The following TCF4 variants were observed in gnomAD, a reference collection of about 807,000 sequenced individuals.
TCF4 encodes the protein SL3-3 enhancer factor 2.
A neutral mutation model predicts 82.1 loss-of-function variants in TCF4; 3 were observed. The observed-to-expected ratio is 0.04, with a 90% confidence interval of 0.02 to 0.09. TCF4 has a LOEUF of 0.09. TCF4 is among the 10% of genes least tolerant of loss of function. The pLI, the probability that TCF4 is intolerant of heterozygous loss-of-function variation, is 1.00. For missense variants in TCF4, 518 were observed against 852.7 expected (o/e 0.61, Z 4.89); for synonymous variants, 276 against 309.6 (o/e 0.89, Z 1.14).
intron 5 of TCF4, among the ~76,000 whole-genome samples, chr18:55,444,868 T>G (rs1189114764): frequency 6.6e-6 from 1 of 152,182 alleles, no homozygotes; most frequent in Non-Finnish European, 1.5e-5. Context: ...TCTTAACAAA[T>G]GGCACTGCCA....
chr18:55,486,987 G>A (rs1372899141), intron 3 of TCF4, among the ~76,000 whole-genome samples: 4 of 152,098 alleles, frequency 2.6e-5, no homozygotes, highest in African/African-American at 7.2e-5. Context: ...AATCTACTAT[G>A]AGCCACTGAC....
At position 55,490,619 on chromosome 18, in the gene TCF4, A is replaced by G. The variant is rs897977442; in HGVS notation, c.146-26482T>C. On this transcript the variant is annotated intron_variant, in intron 3 of 19. Transcript: ENST00000354452. ...AGTTTGATTTAGAATGGAGCAAAAA[A>G]AAAAAGAAACTGAATAATCACATAA... Among the ~76,000 whole-genome samples, 13 of 152,156 alleles carry G rather than the reference A, an allele frequency of 8.5e-5. 1 individual carries two copies. Among genetic ancestry groups the G allele is most frequent in the Admixed American group, 8.5e-4 (13 of 15,268 alleles).
At chr18:55,526,271 A>T (rs1210365436) in intron 3 of TCF4, among the ~76,000 whole-genome samples, 1 of 152,154 alleles carries the variant, frequency 6.6e-6, no homozygotes, top group Non-Finnish European at 1.5e-5. Context: ...CCCTTCACAC[A>T]TTCAGAAACA....
At position 55,473,321 on chromosome 18, in the gene TCF4, A is replaced by C. The variant is rs187786518; in HGVS notation, c.146-9184T>G. Among the ~76,000 whole-genome samples the C allele has an allele frequency of 2.9e-3, 436 of 152,286 alleles. 3 individuals are homozygous for C. The highest frequency in any genetic ancestry group is 3.8e-3 in the Non-Finnish European group (257 of 68,024). On this transcript the variant is annotated intron_variant, in intron 3 of 19. Coordinates refer to ENST00000354452, the MANE Select transcript of TCF4 (RefSeq NM_001083962.2). ...CTAACCACAATGGTCTACTTCTCCCAAACGGCATTCTTTCCTCTTGCTTTC... is the reference window on the plus strand; with the variant it reads ...CTAACCACAATGGTCTACTTCTCCCCAACGGCATTCTTTCCTCTTGCTTTC...
chr18:55,600,654 T>G (rs1300258302), intron 2 of TCF4, among the ~76,000 whole-genome samples: 1 of 152,190 alleles, frequency 6.6e-6, no homozygotes, highest in East Asian at 1.9e-4. Flanking sequence ...TAGGCCACAG[T>G]ATACAGGCTT....
chr18:55,433,138 A>C (rs1329248533), intron 5 of TCF4, among the ~76,000 whole-genome samples: 6 of 152,240 alleles, frequency 3.9e-5, no homozygotes, highest in Admixed American at 3.9e-4. Context: ...TGCCCACCAG[A>C]GAAATAAAGT....
chr18:55,247,938 T>G (rs1014541230), intron 15 of TCF4, among the ~76,000 whole-genome samples: 4 of 152,204 alleles, frequency 2.6e-5, no homozygotes, highest in African/African-American at 7.2e-5. Flanking sequence ...AAATGGACTT[T>G]GTGGGCATTT....
chr18:55,577,183 A>T (rs2924322), intron 3 of TCF4, among the ~76,000 whole-genome samples: 127,186 of 142,724 alleles, frequency 0.89, 56,715 homozygotes, highest in East Asian at 0.99. Flanking sequence ...TATATTTATA[A>T]ATGTATATAT....
intron 15 of TCF4, among the ~76,000 whole-genome samples, chr18:55,241,224 C>T (rs72925028): frequency 6.6e-6 from 1 of 152,280 alleles, no homozygotes; most frequent in Non-Finnish European, 1.5e-5. Context: ...CTAACTCATA[C>T]GTTCCATCTA....
chr18:55,614,675 T>C (rs928465332), intron 2 of TCF4, among the ~76,000 whole-genome samples: 5 of 152,190 alleles, frequency 3.3e-5, no homozygotes, highest in South Asian at 4.1e-4. Context: ...ATAATACATA[T>C]AATCTGGAAG....
Position 55,459,677 on chromosome 18 carries a change from T to C in TCF4, c.304+1342A>G, listed in dbSNP as rs2144734162. On this transcript the variant is annotated intron_variant, in intron 5 of 19. Transcript: ENST00000354452. Reference sequence around the variant, plus strand: ...CTTTTAAAATCTAAGTTGATAAATATATCTGGTCACCTGTATCTACATATC... The same window carrying C: ...CTTTTAAAATCTAAGTTGATAAATACATCTGGTCACCTGTATCTACATATC... Among the ~76,000 whole-genome samples the C allele has an allele frequency of 2.0e-5, 3 of 152,330 alleles. No individual in the cohort carries two copies. In the East Asian group the frequency reaches 5.8e-4, roughly 29 times the overall value.
chr18:55,578,012 G>A (rs770900408), intron 3 of TCF4, among the ~76,000 whole-genome samples: 10 of 152,068 alleles, frequency 6.6e-5, no homozygotes, highest in South Asian at 2.1e-4. Context: ...GGATTTTGAC[G>A]TCATCCGTTA....
chr18:55,300,646 C>T (rs1192294555), intron 8 of TCF4, among the ~76,000 whole-genome samples: 1 of 152,142 alleles, frequency 6.6e-6, no homozygotes, highest in Non-Finnish European at 1.5e-5. Flanking sequence ...TCAGGCCTGG[C>T]GTTGCCATCA....
At chr18:55,347,566 C>A (rs753979923) in intron 8 of TCF4, among the ~76,000 whole-genome samples, 1 of 152,124 alleles carries the variant, frequency 6.6e-6, no homozygotes, top group African/African-American at 2.4e-5. Flanking sequence ...GCCAGGCCTA[C>A]GTTTTCTCTC....
intron 8 of TCF4, among the ~76,000 whole-genome samples, chr18:55,297,848 T>A (rs1275400682): frequency 3.3e-5 from 5 of 152,154 alleles, no homozygotes; most frequent in African/African-American, 1.2e-4. Flanking sequence ...TTGAAACTTT[T>A]GGCAAAAGTG....
rs538071929 is a variant in TCF4, at chr18:55,237,467, C to CTT, written c.1351-2786_1351-2785dup. Among the ~76,000 whole-genome samples the CTT allele has an allele frequency of 2.9e-3, 359 of 122,630 alleles. 4 individuals are homozygous for CTT. Among genetic ancestry groups the CTT allele is most frequent in the African/African-American group, 7.7e-3 (251 of 32,432 alleles). The allele number at this position is 122,630 out of a possible 152,430, so 80.5% of individuals were successfully genotyped here. ...AATGTTAGAGACAAAGTTGTTCTGA[C>CTT]TTTTTTTTTTTTTTTTTTTGGAGAC... On this transcript the variant is annotated intron_variant, in intron 15 of 19. Coordinates refer to ENST00000354452, the MANE Select transcript of TCF4 (RefSeq NM_001083962.2).
At chr18:55,313,706 A>G (rs2073260829) in intron 8 of TCF4, among the ~76,000 whole-genome samples, 1 of 152,114 alleles carries the variant, frequency 6.6e-6, no homozygotes, top group Non-Finnish European at 1.5e-5. Flanking sequence ...CCTATGCTCC[A>G]GGGGAGAGCC....
chr18:55,285,202 T>C lies in TCF4; in HGVS notation c.550-5546A>G, dbSNP rs151295156. Among the ~76,000 whole-genome samples the C allele has an allele frequency of 6.6e-5, 10 of 152,300 alleles. 1 individual carries two copies. Among genetic ancestry groups the C allele is most frequent in the African/African-American group, 1.4e-4 (6 of 41,566 alleles). The stretch of plus-strand genomic sequence containing the variant: ...GCATCCGGACAGTACATACACAGAT[T>C]TGGCAGATTACTAGAAATCACCCAG... On this transcript the variant is annotated intron_variant, in intron 8 of 19. Transcript: ENST00000354452.
chr18:55,529,642 T>TAAA (rs1242387464), intron 3 of TCF4, among the ~76,000 whole-genome samples: 1 of 152,170 alleles, frequency 6.6e-6, no homozygotes, highest in East Asian at 1.9e-4. Flanking sequence ...CCTGCTGAGC[T>TAAA]AAAATCTCTG....
Sources: gnomAD v4.1 joint callset for allele counts (sites outside exome capture counted in the v4.1 genomes callset) on GRCh38, gnomAD v4.1.1 for gene constraint, MANE v1.5 for transcripts, NCBI Gene and HGNC (gene_info 2026-07-23, HGNC 2026-07-21) for gene names.